Variants in TBC1D16 observed in about 807,000 individuals in gnomAD.
The protein encoded by TBC1D16 is CTD-2529O21.1.
A neutral mutation model predicts 74.7 loss-of-function variants in TBC1D16; 58 were observed. That is an observed-to-expected ratio of 0.78 (90% CI 0.63 to 0.97). TBC1D16 has a LOEUF of 0.97. Ranked by LOEUF, TBC1D16 falls within the 50% of genes least tolerant of loss-of-function variation. The pLI, the probability that TBC1D16 is intolerant of heterozygous loss-of-function variation, is 0.00. For synonymous variants in TBC1D16, 493 were observed against 474.7 expected, an observed-to-expected ratio of 1.04 and a Z score of -0.50; for missense variants, 1,014 against 1,079.5, an observed-to-expected ratio of 0.94 and a Z score of 0.85.
In TBC1D16 at chr17:79,941,857, G is replaced by A. The variant is rs1013570476; in HGVS notation, c.2055+203C>T. Among the ~76,000 whole-genome samples the A allele has an allele frequency of 1.3e-5, 2 of 152,240 alleles. No homozygotes were observed. Among genetic ancestry groups the A allele is most frequent in the East Asian group, 1.9e-4 (1 of 5,166 alleles). Reference sequence around the variant, plus strand: ...GAAAGTGAGGTGACACAGCCAGGCCGAGACAGGTGCTGACCACGAGGCCTT... The same window carrying A: ...GAAAGTGAGGTGACACAGCCAGGCCAAGACAGGTGCTGACCACGAGGCCTT... On this transcript the variant is annotated intron_variant, in intron 11 of 11. Transcript: ENST00000310924. This position sits in a 1 kb window ranked among gnomAD's most constrained non-coding sequence, Gnocchi z 4.3.
At chr17:79,999,157 G>A (rs1290546032) in intron 3 of TBC1D16, among the ~76,000 whole-genome samples, 1 of 152,034 alleles carries the variant, frequency 6.6e-6, no homozygotes, top group East Asian at 1.9e-4. Context: ...TCGGGAGGCT[G>A]AGGCAGGAGA....
At chr17:80,029,802 A>G (rs1219894831) in intron 1 of TBC1D16, among the ~76,000 whole-genome samples, 1 of 152,136 alleles carries the variant, frequency 6.6e-6, no homozygotes, top group Non-Finnish European at 1.5e-5. Flanking sequence ...ATAACCTTAC[A>G]GTCCTGGAGG....
At chr17:80,012,099 C>T (rs150986591) in intron 2 of TBC1D16, among the ~76,000 whole-genome samples, 1 of 152,126 alleles carries the variant, frequency 6.6e-6, no homozygotes, top group Non-Finnish European at 1.5e-5. Flanking sequence ...GGGCCTCCCC[C>T]ACCCACTCTC....
intron 8 of TBC1D16, 64 bp from the exon 9 acceptor site, chr17:79,947,895 G>C: frequency 7.1e-7 from 1 of 1,411,006 alleles, no homozygotes; most frequent in Non-Finnish European, 9.8e-7. Context: ...TGCCCAGCCT[G>C]CAGAACCCTG....
At position 79,944,126 on chromosome 17, in the gene TBC1D16, C is replaced by T. The variant is rs1454259384; in HGVS notation, c.1908+782G>A. The T allele has an allele frequency of 6.5e-7, 1 of 1,535,996 alleles. No individual in the cohort carries two copies. The highest frequency in any genetic ancestry group is 2.4e-5 in the East Asian group (1 of 40,896). On this transcript the variant is annotated intron_variant, in intron 10 of 11. Transcript: ENST00000310924. The surrounding 1 kb of genome is among the most constrained non-coding windows in gnomAD (Gnocchi z 7.7). ...CAGCCCCCTGCGGTGTGAGTGAGGA[C>T]AGGAGACGCTGACGCAAATGTCTTC...
chr17:79,948,183 C>T (rs946045709), intron 8 of TBC1D16, among the ~76,000 whole-genome samples: 2 of 152,064 alleles, frequency 1.3e-5, no homozygotes, highest in Admixed American at 6.6e-5. Flanking sequence ...TGGTGGGGTG[C>T]ACGCCTGTAA....
In TBC1D16 at chr17:80,003,350, G is replaced by A. The variant is rs374260369; in HGVS notation, c.779+6810C>T. Among the ~76,000 whole-genome samples, 106 of 152,290 alleles carry A rather than the reference G, an allele frequency of 7.0e-4. No individual in the cohort carries two copies. In the Middle Eastern group the frequency reaches 0.01, roughly 15 times the overall value. On this transcript the variant is annotated intron_variant, in intron 3 of 11. Coordinates refer to ENST00000310924, the MANE Select transcript of TBC1D16 (RefSeq NM_019020.4). Reference sequence around the variant, plus strand: ...GCTGGCCACCCCGGGAACGCATGCCGGGAATGACAAGAGGACCCAGGGAGA... The same window carrying A: ...GCTGGCCACCCCGGGAACGCATGCCAGGAATGACAAGAGGACCCAGGGAGA...
chr17:79,984,620 TGAAG>T lies in TBC1D16; in HGVS notation c.779+25536_779+25539del, dbSNP rs71287518. On this transcript the variant is annotated intron_variant, in intron 3 of 11. Coordinates refer to ENST00000310924, the MANE Select transcript of TBC1D16 (RefSeq NM_019020.4). ...AGAAAGAAAAGAGGGAGGGAGGGAG[TGAAG>T]GAAGGAAGGAAGGAAGGAAGGAAGG... Among the ~76,000 whole-genome samples, 607 of 122,378 alleles carry T rather than the reference TGAAG, an allele frequency of 5.0e-3. 4 individuals carry two copies. The highest frequency in any genetic ancestry group is 0.026 in the East Asian group (110 of 4,252). 80.3% of individuals were successfully genotyped at this position (122,378 alleles called of 152,430 possible).
At position 79,940,851 on chromosome 17, in the gene TBC1D16, G is replaced by C. The variant is rs1246791082; in HGVS notation, c.*8C>G. On this transcript the variant is annotated 3_prime_UTR_variant, in exon 12 of 12. Transcript: ENST00000310924. The surrounding 1 kb of genome is among the most constrained non-coding windows in gnomAD (Gnocchi z 5.4). ...CCCTCAACCCCTGTCCGGTGTCGGG[G>C]GCCCGACCTATCTGCGGAAGCCGAA... 1 of 1,531,180 alleles carries C rather than the reference G, an allele frequency of 6.5e-7. No homozygotes were observed. The highest frequency in any genetic ancestry group is 2.3e-5 in the East Asian group (1 of 43,236). The allele number at this position is 1,531,180 out of a possible 1,614,324, so 94.8% of individuals were successfully genotyped here.
chr17:80,014,230 G>A (rs547371918), intron 1 of TBC1D16, among the ~76,000 whole-genome samples: 44 of 152,128 alleles, frequency 2.9e-4, no homozygotes, highest in Admixed American at 2.3e-3. Context: ...GGTGGCGGGC[G>A]CCTACAGTCC....
At chr17:79,946,417 G>A (rs934631426) in intron 9 of TBC1D16, among the ~76,000 whole-genome samples, 2 of 152,142 alleles carry the variant, frequency 1.3e-5, no homozygotes, top group African/African-American at 2.4e-5. Flanking sequence ...CCCGTCCACC[G>A]CTCACCTCCT....
intron 1 of TBC1D16, among the ~76,000 whole-genome samples, chr17:80,023,134 G>T (rs540834486): frequency 6.7e-6 from 1 of 149,980 alleles, no homozygotes; most frequent in African/African-American, 2.5e-5. Flanking sequence ...CTCATCACAG[G>T]CAAGATTTAC....
chr17:79,952,923 T>A, intron 3 of TBC1D16, 105 bp from the exon 4 acceptor site: 2 of 1,336,534 alleles, frequency 1.5e-6, no homozygotes, highest in Non-Finnish European at 1.0e-6. Context: ...GCACCAAGCT[T>A]AAACACACAT....
intron 3 of TBC1D16, among the ~76,000 whole-genome samples, chr17:79,970,226 A>G (rs138837747): frequency 3.3e-5 from 5 of 152,330 alleles, no homozygotes; most frequent in Admixed American, 2.6e-4. Flanking sequence ...AATATCCAGA[A>G]TAGGTAAATC....
intron 3 of TBC1D16, among the ~76,000 whole-genome samples, chr17:80,003,519 C>T (rs1291501844): frequency 6.6e-6 from 1 of 152,230 alleles, no homozygotes; most frequent in African/African-American, 2.4e-5. Flanking sequence ...TAGCAGCGTG[C>T]AGCGCAGTGG....
intron 1 of TBC1D16, among the ~76,000 whole-genome samples, chr17:80,033,477 A>G (rs2036843631): frequency 6.6e-6 from 1 of 151,948 alleles, no homozygotes; most frequent in South Asian, 2.1e-4. Flanking sequence ...GGCTCAAGCT[A>G]TCCTCCCACC....
intron 3 of TBC1D16, among the ~76,000 whole-genome samples, chr17:79,969,394 C>G (rs1179180715): frequency 6.6e-6 from 1 of 151,844 alleles, no homozygotes; most frequent in Non-Finnish European, 1.5e-5. Context: ...TCAAAACAAA[C>G]AAACAAAAAG....
rs1358811649 is a variant in TBC1D16, at chr17:79,936,490, G to C, written c.*4369C>G. ...CCCAGGAGGTGGCCTGGGCAGGCAGGCATCATTATTCTCATGTTACAGGTG... is the reference window on the plus strand; with the variant it reads ...CCCAGGAGGTGGCCTGGGCAGGCAGCCATCATTATTCTCATGTTACAGGTG... On this transcript the variant is annotated 3_prime_UTR_variant, in exon 12 of 12. Coordinates refer to ENST00000310924, the MANE Select transcript of TBC1D16 (RefSeq NM_019020.4). 6.6e-6 allele frequency: 1 copy of C among 152,304 alleles called. No homozygotes were observed. The highest frequency in any genetic ancestry group is 2.4e-5 in the African/African-American group (1 of 41,430). 9.4% of individuals were successfully genotyped at this position (152,304 alleles called of 1,614,324 possible).
Position 79,942,077 on chromosome 17 carries a change from C to G in TBC1D16, c.2038G>C (p.Glu680Gln), listed in dbSNP as rs747993015. The G allele has an allele frequency of 9.7e-5, 157 of 1,611,982 alleles. No homozygotes were observed. Among genetic ancestry groups the G allele is most frequent in the Non-Finnish European group, 1.3e-4 (150 of 1,179,726 alleles). Residue 680 changes from glutamate (E) to glutamine (Q), a missense_variant, in exon 11 of 12, where the codon GAG (glutamate) becomes CAG (glutamine). Glu to Gln is a conservative substitution (Grantham distance 29). Transcript: ENST00000310924. Reference sequence around the variant, plus strand: ...AGCCTCACCTTCCGGAGAACGAGCTCCCCGTTCATGTGCATGGCCAGGTTT... The same window carrying G: ...AGCCTCACCTTCCGGAGAACGAGCTGCCCGTTCATGTGCATGGCCAGGTTT... ...FGNLAMHMNG[E>Q]LVLRKARSLL...
Sources: allele counts gnomAD v4.1 joint callset (sites outside exome capture counted in the v4.1 genomes callset), GRCh38; gene constraint gnomAD v4.1.1; non-coding constraint Gnocchi (gnomAD v3.1); transcripts MANE v1.5; gene names NCBI Gene and HGNC (gene_info 2026-07-23, HGNC 2026-07-21).